Variants in DMXL2 observed in about 807,000 individuals in gnomAD.
DMXL2 encodes Dmx like 2.
A neutral mutation model predicts 331.1 loss-of-function variants in DMXL2; 103 were observed. That is an observed-to-expected ratio of 0.31 (90% CI 0.27 to 0.37). The LOEUF is 0.37. DMXL2 is among the 10% of genes least tolerant of loss of function. The pLI, the probability that DMXL2 is intolerant of heterozygous loss-of-function variation, is 1.00. For synonymous variants in DMXL2, 1,281 were observed against 1,252.1 expected, an observed-to-expected ratio of 1.02 and a Z score of -0.49; for missense variants, 3,171 against 3,642.9, an observed-to-expected ratio of 0.87 and a Z score of 3.33.
rs140707772 is a variant in DMXL2 at position 51,586,397 on chromosome 15, G to T, written c.88-10216C>A. Among the ~76,000 whole-genome samples, 1,452 of 152,036 alleles carry T rather than the reference G, an allele frequency of 9.6e-3. 18 individuals are homozygous for T. The highest frequency in any genetic ancestry group is 0.033 in the African/African-American group (1,382 of 41,494). ...AATATGTAAAAACAAAAATCTATGG[G>T]AAGAAAAAAACAACAGAAGAAAACT... On this transcript the variant is annotated intron_variant, in intron 1 of 43. Coordinates refer to ENST00000560891, the MANE Select transcript of DMXL2 (RefSeq NM_001378457.1).
chr15:51,521,279 T>G (rs1014647115), intron 13 of DMXL2, among the ~76,000 whole-genome samples: 2 of 152,126 alleles, frequency 1.3e-5, no homozygotes, highest in Non-Finnish European at 2.9e-5. Context: ...TCTCTATGCT[T>G]CAGTGTCCTT....
chr15:51,464,896 G>T lies in DMXL2; in HGVS notation c.7607-20C>A. ...GCAGCTCTACAAGGTGACAGAATAT[G>T]TTATTTATTTTAATAAAAAATATCG... On this transcript the variant is annotated intron_variant, in intron 31 of 43. Transcript: ENST00000560891. 6.4e-7 allele frequency: 1 copy of T among 1,566,466 alleles called. No homozygotes were observed. Among genetic ancestry groups the T allele is most frequent in the Non-Finnish European group, 8.7e-7 (1 of 1,150,704 alleles).
In DMXL2 at chr15:51,448,980, A is replaced by ATCT. The variant is rs1555409081; in HGVS notation, c.*1_*3dup. On this transcript the variant is annotated 3_prime_UTR_variant, in exon 44 of 44. Coordinates refer to ENST00000560891, the MANE Select transcript of DMXL2 (RefSeq NM_001378457.1). ...AAATGTATATAAAAATAAAACCCCAATCTTTATAGAATGTCAAGAATTCTG... is the reference window on the plus strand; with the variant it reads ...AAATGTATATAAAAATAAAACCCCAATCTTCTTTATAGAATGTCAAGAATTCTG... 1 of 1,613,890 alleles carries ATCT rather than the reference A, an allele frequency of 6.2e-7. No homozygotes were observed. Among genetic ancestry groups the ATCT allele is most frequent in the East Asian group, 2.2e-5 (1 of 44,872 alleles).
At chr15:51,593,731 C>T (rs1284768763) in intron 1 of DMXL2, among the ~76,000 whole-genome samples, 1 of 152,208 alleles carries the variant, frequency 6.6e-6, no homozygotes, top group Non-Finnish European at 1.5e-5. Flanking sequence ...GACCACAGTG[C>T]AATCAAACTA....
At chr15:51,479,017 T>C (rs1005410535) in intron 25 of DMXL2, among the ~76,000 whole-genome samples, 1 of 152,186 alleles carries the variant, frequency 6.6e-6, no homozygotes, top group Admixed American at 6.5e-5. Context: ...AACAGTTTCA[T>C]ACCTTATACA....
chr15:51,454,755 A>G (rs993487223), intron 40 of DMXL2, among the ~76,000 whole-genome samples: 7 of 152,116 alleles, frequency 4.6e-5, no homozygotes, highest in Non-Finnish European at 1.0e-4. Flanking sequence ...TCGGCCTCCC[A>G]AAGTGCTGGG....
At chr15:51,451,825 TAG>T in intron 41 of DMXL2, 128 bp from the exon 42 acceptor site, 1 of 713,922 alleles carries the variant, frequency 1.4e-6, no homozygotes, top group Admixed American at 2.5e-5. Flanking sequence ...CTCACACCTA[TAG>T]AGAGTAGTGA....
At chr15:51,449,215 TA>T (rs372959150) in intron 43 of DMXL2, 22 bp from the exon 44 acceptor site, 2 of 1,611,740 alleles carry the variant, frequency 1.2e-6, no homozygotes, top group East Asian at 2.2e-5. Flanking sequence ...CAAAAGGAGT[TA>T]AAAATATATT....
At chr15:51,538,080 T>A in intron 10 of DMXL2, 133 bp downstream of exon 10, 1 of 1,143,266 alleles carries the variant, frequency 8.7e-7, no homozygotes, top group Non-Finnish European at 1.2e-6. Flanking sequence ...AGGCAGATGG[T>A]CAGTAAATAC....
At position 51,502,306 on chromosome 15, in the gene DMXL2, T is replaced by TGTGTGTGTGTGTGTGTGTGTG. The variant is rs2043701330; in HGVS notation, c.2992+499_2992+500insCACACACACACACACACACAC. 2.8e-5 allele frequency among the ~76,000 whole-genome samples: 4 copies of TGTGTGTGTGTGTGTGTGTGTG among 140,626 alleles called. No homozygotes were observed. The East Asian group carries it at 6.3e-4, about 22-fold the overall frequency. 92.3% of individuals were successfully genotyped at this position (140,626 alleles called of 152,430 possible). A position where few individuals can be genotyped will look rare whatever the true frequency, so the allele number is the denominator to read the frequency against. On this transcript the variant is annotated intron_variant, in intron 17 of 43. Coordinates refer to ENST00000560891, the MANE Select transcript of DMXL2 (RefSeq NM_001378457.1). ...ATTTATCACAGGAAATTTTGTGGGT[T>TGTGTGTGTGTGTGTGTGTGTG]TGTGTGTGTGTGTGTGTGTGTGTGT...
Position 51,499,833 on chromosome 15 carries a change from C to T in DMXL2, c.3391G>A (p.Val1131Ile). The T allele has an allele frequency of 1.9e-6, 3 of 1,614,172 alleles. No homozygotes were observed. The highest frequency in any genetic ancestry group is 2.5e-6 in the Non-Finnish European group (3 of 1,180,022). ...ACCCTTGAATCAAGTACACTCCCAA[C>T]CTTAACCAAATCATCAAGATGAATT... is the stretch of plus-strand genomic sequence containing the variant. ...QTIHLDDLVK[V>I]GSVLDSRVSV... Residue 1131 changes from valine (V) to isoleucine (I), a missense_variant, in exon 18 of 44, where the codon GTT (valine) becomes ATT (isoleucine). Physicochemically the swap from Val to Ile is conservative, Grantham distance 29. Around this residue, in one of 7 missense-constraint regions of DMXL2, gnomAD observed 1,674 missense variants for 1,780.2 expected, o/e 0.94. Transcript: ENST00000560891.
intron 1 of DMXL2, among the ~76,000 whole-genome samples, chr15:51,591,526 G>C (rs888016922): frequency 1.3e-5 from 2 of 152,212 alleles, no homozygotes; most frequent in African/African-American, 4.8e-5. Context: ...CTAAACAAAA[G>C]GCAGCAGAAC....
At chr15:51,597,049 T>G (rs1370958182) in intron 1 of DMXL2, among the ~76,000 whole-genome samples, 1 of 152,150 alleles carries the variant, frequency 6.6e-6, no homozygotes, top group Non-Finnish European at 1.5e-5. Flanking sequence ...TGTGCACATG[T>G]ACCCTAAAAC....
chr15:51,587,234 T>C (rs963037965), intron 1 of DMXL2, among the ~76,000 whole-genome samples: 3 of 152,204 alleles, frequency 2.0e-5, no homozygotes, highest in African/African-American at 7.2e-5. Context: ...TTGTTACATA[T>C]GTATACATGT....
In DMXL2 at chr15:51,622,507, A is replaced by G; in HGVS notation, c.39T>C (p.Pro13=). Reference sequence around the variant, plus strand: ...TGCCCACGGAGTAGCAGTTGTCTCCAGGGTTGACAGCTCCGGTGAGGACCT... The same window carrying G: ...TGCCCACGGAGTAGCAGTTGTCTCCGGGGTTGACAGCTCCGGTGAGGACCT... ...LHQVLTGAVN[P]GDNCYSVGSV... The change falls in exon 1 of 44, where the codon CCT becomes CCC. Residue 13 remains proline, a synonymous_variant. Transcript: ENST00000560891. 6.4e-7 allele frequency: 1 copy of G among 1,569,386 alleles called. No individual in the cohort carries two copies. Among genetic ancestry groups the G allele is most frequent in the Non-Finnish European group, 8.6e-7 (1 of 1,156,734 alleles).
Position 51,475,019 on chromosome 15 carries a change from GA to G in DMXL2, c.6965-428del, listed in dbSNP as rs201060233. On this transcript the variant is annotated intron_variant, in intron 27 of 43. Transcript: ENST00000560891. Reference sequence around the variant, plus strand: ...CACAAGATACTGATTAATTACAAAGGAAAAAAAAAGTAACTTTACAATGGAG... The same window carrying G: ...CACAAGATACTGATTAATTACAAAGGAAAAAAAAGTAACTTTACAATGGAG... 3.7e-3 allele frequency among the ~76,000 whole-genome samples: 563 copies of G among 150,572 alleles called. 6 individuals carry two copies. Among genetic ancestry groups the G allele is most frequent in the African/African-American group, 0.013 (538 of 41,022 alleles).
intron 15 of DMXL2, among the ~76,000 whole-genome samples, chr15:51,511,312 T>C (rs2046741916): frequency 6.6e-6 from 1 of 152,040 alleles, no homozygotes; most frequent in African/African-American, 2.4e-5. Flanking sequence ...AGGGCTAATA[T>C]CCAGAATCTA....
At chr15:51,455,312 C>G in intron 39 of DMXL2, 84 bp from the exon 40 acceptor site, 1 of 1,115,174 alleles carries the variant, frequency 9.0e-7, no homozygotes, top group East Asian at 2.4e-5. Flanking sequence ...TCACTAAGGC[C>G]CTACTAAATA....
intron 1 of DMXL2, among the ~76,000 whole-genome samples, chr15:51,598,772 C>T (rs1390953915): frequency 6.6e-6 from 1 of 152,202 alleles, no homozygotes; most frequent in East Asian, 1.9e-4. Flanking sequence ...TAATTTGCCC[C>T]ATCTCTGATG....
Sources: allele counts gnomAD v4.1 joint callset (sites outside exome capture counted in the v4.1 genomes callset), GRCh38; gene constraint gnomAD v4.1.1; regional missense constraint gnomAD v4.1.1; transcripts MANE v1.5; gene names NCBI Gene and HGNC (gene_info 2026-07-23, HGNC 2026-07-21).